FAT3: variants seen among roughly 807,000 people sequenced by gnomAD.
The protein encoded by FAT3 is protocadherin Fat 3.
A neutral mutation model predicts 310.2 loss-of-function variants in FAT3; 95 were observed. The observed-to-expected ratio is 0.31, with a 90% confidence interval of 0.26 to 0.36. FAT3 has a LOEUF of 0.36. Ranked by LOEUF, FAT3 falls within the 10% of genes least tolerant of loss-of-function variation. FAT3 has a pLI of 1.00. For synonymous variants in FAT3, 2,314 were observed against 2,192.9 expected (o/e 1.06, Z -1.54); for missense variants, 5,408 against 5,715.6 (o/e 0.95, Z 1.74).
chr11:92,649,325 G>C (rs1942284168), intron 3 of FAT3, among the ~76,000 whole-genome samples: 1 of 152,174 alleles, frequency 6.6e-6, no homozygotes, highest in African/African-American at 2.4e-5. Context: ...TTTGATGCTT[G>C]TCTTAGGGTT....
chr11:92,799,391 C>T lies in FAT3; in HGVS notation c.6378C>T (p.Asp2126=). ...AAGTGACCTATGTCCTGCAGGATGA[C>T]TATGGCCACTTTGAAATTAACCCTA... ...NGEVTYVLQD[D]YGHFEINPNS... The change falls in exon 10 of 28, where the codon GAC becomes GAT. Residue 2126 remains aspartate (D), a synonymous_variant. Transcript: ENST00000525166. 6.2e-7 allele frequency: 1 copy of T among 1,613,680 alleles called. No homozygotes were observed. Among genetic ancestry groups the T allele is most frequent in the Non-Finnish European group, 8.5e-7 (1 of 1,179,766 alleles).
At chr11:92,775,413 A>G (rs1340072301) in intron 7 of FAT3, among the ~76,000 whole-genome samples, 3 of 152,228 alleles carry the variant, frequency 2.0e-5, no homozygotes, top group Non-Finnish European at 2.9e-5. Flanking sequence ...GAAGAAAACA[A>G]TAGGGTTCAC....
In FAT3 at chr11:92,799,213, G is replaced by A. The variant is rs1013247554; in HGVS notation, c.6200G>A (p.Arg2067Lys). The change falls in exon 10 of 28, where the codon AGA (arginine) becomes AAA (lysine). Residue 2067 changes from arginine to lysine, a missense_variant. Around this residue, in one of 5 missense-constraint regions of FAT3, gnomAD observed 4,588 missense variants for 4,809.8 expected, o/e 0.95. Transcript: ENST00000525166. Reference protein sequence around the residue: ...SRELDHLRVARVVVRVNIEDI... With the variant: ...SRELDHLRVAKVVVRVNIEDI... ...GAGCTGGACCATCTGCGTGTGGCCA[G>A]AGTGGTGGTCAGGGTTAACATTGAA... The A allele has an allele frequency of 9.9e-6, 16 of 1,613,850 alleles. No individual in the cohort carries two copies. The highest frequency in any genetic ancestry group is 1.3e-5 in the Non-Finnish European group (15 of 1,179,880).
chr11:92,872,592 T>C (rs922444014), intron 22 of FAT3, among the ~76,000 whole-genome samples: 2 of 152,136 alleles, frequency 1.3e-5, no homozygotes, highest in African/African-American at 4.8e-5. Flanking sequence ...TAGACACTAA[T>C]AGAAAAGCTC....
Position 92,799,028 on chromosome 11 carries a change from T to A in FAT3, c.6015T>A (p.Asn2005Lys). Reference sequence around the variant, plus strand: ...ACATAACCAAAGTTGCTATTGTCAATGCAGTTGGAAATCGCCTTAATGAGC... The same window carrying A: ...ACATAACCAAAGTTGCTATTGTCAAAGCAGTTGGAAATCGCCTTAATGAGC... ...NTNITKVAIV[N>K]AVGNRLNEPL... is the part of the protein sequence containing the mutation. Residue 2005 changes from asparagine (N) to lysine (K), a missense_variant, in exon 10 of 28, where the codon AAT becomes AAA. This residue lies in a region of FAT3 where 4,588 missense variants were observed against 4,809.8 expected (regional missense o/e 0.95). Coordinates refer to ENST00000525166, the MANE Select transcript of FAT3 (RefSeq NM_001367949.2). 1 of 1,613,932 alleles carries A rather than the reference T, an allele frequency of 6.2e-7. No homozygotes were observed. Among genetic ancestry groups the A allele is most frequent in the Non-Finnish European group, 8.5e-7 (1 of 1,179,862 alleles).
intron 2 of FAT3, among the ~76,000 whole-genome samples, chr11:92,490,815 G>C (rs980227382): frequency 2.0e-5 from 3 of 152,054 alleles, no homozygotes; most frequent in Non-Finnish European, 2.9e-5. Flanking sequence ...TGGAGGAAAG[G>C]GGCTGCTGAT....
intron 1 of FAT3, among the ~76,000 whole-genome samples, chr11:92,346,998 C>T (rs1948438708): frequency 6.6e-6 from 1 of 152,092 alleles, no homozygotes; most frequent in African/African-American, 2.4e-5. Flanking sequence ...ATACAATGTG[C>T]CATGAAGTGT....
At chr11:92,643,814 G>A (rs1457226965) in intron 3 of FAT3, among the ~76,000 whole-genome samples, 1 of 152,216 alleles carries the variant, frequency 6.6e-6, no homozygotes, top group Non-Finnish European at 1.5e-5. Context: ...ATACGGTATT[G>A]GGTAGGGGAC....
At chr11:92,755,387 T>G (rs1284106390) in intron 4 of FAT3, among the ~76,000 whole-genome samples, 1 of 152,014 alleles carries the variant, frequency 6.6e-6, no homozygotes, top group Non-Finnish European at 1.5e-5. Context: ...CATGCCCAGC[T>G]AATTTTTTGT....
chr11:92,560,658 T>C (rs1955193315), intron 3 of FAT3, among the ~76,000 whole-genome samples: 1 of 152,194 alleles, frequency 6.6e-6, no homozygotes, highest in South Asian at 2.1e-4. Context: ...AAAAAGACTC[T>C]GTTTATGCTG....
chr11:92,722,670 G>T (rs1944897510), intron 4 of FAT3, among the ~76,000 whole-genome samples: 1 of 152,310 alleles, frequency 6.6e-6, no homozygotes, highest in African/African-American at 2.4e-5. Context: ...GCAAACTTCT[G>T]CCTGGACACC....
chr11:92,788,786 G>A (rs191579635), intron 7 of FAT3, among the ~76,000 whole-genome samples: 20 of 152,214 alleles, frequency 1.3e-4, no homozygotes, highest in South Asian at 2.1e-4. Flanking sequence ...AAACCACAGC[G>A]ATGCTATGAG....
chr11:92,505,396 C>G (rs931592410), intron 2 of FAT3, among the ~76,000 whole-genome samples: 2 of 152,074 alleles, frequency 1.3e-5, no homozygotes, highest in Non-Finnish European at 2.9e-5. Context: ...GTCTGTTTCC[C>G]TGGTCTGAGA....
intron 19 of FAT3, among the ~76,000 whole-genome samples, chr11:92,855,352 C>T (rs1157200858): frequency 1.3e-5 from 2 of 152,176 alleles, no homozygotes; most frequent in Non-Finnish European, 2.9e-5. Flanking sequence ...GACATTCTCC[C>T]AGGAGACAGA....
rs753835213 is a variant in FAT3 at position 92,882,787 on chromosome 11, G to A, written c.12331G>A (p.Gly4111Ser). The A allele has an allele frequency of 6.2e-7, 1 of 1,611,914 alleles. No homozygotes were observed. Among genetic ancestry groups the A allele is most frequent in the East Asian group, 2.2e-5 (1 of 44,808 alleles). Residue 4111 changes from glycine (G) to serine (S), a missense_variant, in exon 24 of 28, where the codon GGC becomes AGC. By Grantham distance (56) the Gly-to-Ser change is moderately conservative. Around this residue, in one of 5 missense-constraint regions of FAT3, gnomAD observed 649 missense variants for 666.2 expected, o/e 0.97. Transcript: ENST00000525166. ...CGAACGAGAGGAGTGTGAGAACGGA[G>A]GCTCCTGCGTGAACGTGTTCGGCTC... ...ECEREECENG[G>S]SCVNVFGSFL...
chr11:92,859,383 G>C, intron 21 of FAT3, 61 bp downstream of exon 21: 1 of 1,405,572 alleles, frequency 7.1e-7, no homozygotes, highest in Non-Finnish European at 9.4e-7. Flanking sequence ...TTGGCTCTTG[G>C]ATTGGGGAAC....
intron 2 of FAT3, among the ~76,000 whole-genome samples, chr11:92,433,969 T>C (rs752102283): frequency 6.7e-6 from 1 of 149,748 alleles, no homozygotes; most frequent in Non-Finnish European, 1.5e-5. Context: ...TAAGCCGAGA[T>C]TGCGCCACTG....
intron 3 of FAT3, among the ~76,000 whole-genome samples, chr11:92,578,149 T>C (rs1400259895): frequency 6.6e-6 from 1 of 152,118 alleles, no homozygotes; most frequent in Non-Finnish European, 1.5e-5. Context: ...AAAGAAATAC[T>C]GAAATAGTTC....
intron 2 of FAT3, among the ~76,000 whole-genome samples, chr11:92,448,181 G>C (rs1183971789): frequency 1.3e-5 from 2 of 152,110 alleles, no homozygotes; most frequent in Non-Finnish European, 2.9e-5. Context: ...ATTAATTTAT[G>C]AAAGTGCTTG....
Sources: allele counts gnomAD v4.1 joint callset (sites outside exome capture counted in the v4.1 genomes callset), GRCh38; gene constraint gnomAD v4.1.1; regional missense constraint gnomAD v4.1.1; transcripts MANE v1.5; gene names NCBI Gene and HGNC (gene_info 2026-07-23, HGNC 2026-07-21).